Variants in CCDC3 observed in about 807,000 individuals in gnomAD.
CCDC3 encodes the protein coiled-coil domain-containing protein 3.
A neutral mutation model predicts 21.4 loss-of-function variants in CCDC3; 24 were observed. The ratio of observed to expected loss-of-function variants is 1.12; its 90% CI spans 0.81 to 1.58. The LOEUF is 1.58. Among genes scored for constraint, CCDC3 ranks in the 40% most tolerant of loss-of-function variants. The pLI, the probability that CCDC3 is intolerant of heterozygous loss-of-function variation, is 0.00. For synonymous variants in CCDC3, 186 were observed against 166.0 expected (o/e 1.12, Z -0.93); for missense variants, 425 against 360.9 (o/e 1.18, Z -1.44).
chr10:13,058,028 T>C (rs1836704925), intron 4 of CCDC3: 1 of 737,340 alleles, frequency 1.4e-6, no homozygotes, highest in East Asian at 2.5e-5. Flanking sequence ...CTTGTAAGCA[T>C]CTTCATCTTC....
chr10:13,038,742 C>T (rs1836411820), intron 5 of CCDC3, among the ~76,000 whole-genome samples: 1 of 152,212 alleles, frequency 6.6e-6, no homozygotes, highest in South Asian at 2.1e-4. Context: ...TTGTGTAGCA[C>T]CTTGTTCCAG....
intron 2 of CCDC3, among the ~76,000 whole-genome samples, chr10:12,935,668 ATTTTT>A (rs369781761): frequency 0.051 from 7,159 of 140,960 alleles, 206 homozygotes; most frequent in Non-Finnish European, 0.075. Flanking sequence ...ATCCAAGTAC[ATTTTT>A]TTTTTTTTTT....
chr10:13,083,268 C>A (rs1244814380), intron 3 of CCDC3, among the ~76,000 whole-genome samples: 1 of 152,196 alleles, frequency 6.6e-6, no homozygotes, highest in Non-Finnish European at 1.5e-5. Context: ...TTTACCCTGG[C>A]ATTTCATCAA....
chr10:13,043,121 G>C (rs1452166568), intron 5 of CCDC3, among the ~76,000 whole-genome samples: 1 of 151,856 alleles, frequency 6.6e-6, no homozygotes, highest in Non-Finnish European at 1.5e-5. Flanking sequence ...TTGTTATATG[G>C]GTATATTTGT....
intron 4 of CCDC3, among the ~76,000 whole-genome samples, chr10:13,071,034 C>T (rs1836875962): frequency 6.7e-6 from 1 of 150,226 alleles, no homozygotes; most frequent in African/African-American, 2.5e-5. Context: ...TCAGTATTCT[C>T]CTTCTGAGCA....
At chr10:12,953,308 T>C (rs1188018013) in intron 2 of CCDC3, among the ~76,000 whole-genome samples, 1 of 152,000 alleles carries the variant, frequency 6.6e-6, no homozygotes, top group Non-Finnish European at 1.5e-5. Context: ...TTCAATCACC[T>C]CCCACCAGGT....
chr10:12,898,224 G>A lies in CCDC3; in HGVS notation c.*192C>T, dbSNP rs556329048. 1.2e-5 allele frequency: 8 copies of A among 667,550 alleles called. No homozygotes were observed. The highest frequency in any genetic ancestry group is 8.1e-5 in the South Asian group (4 of 49,328). 41.4% of individuals were successfully genotyped at this position (667,550 alleles called of 1,614,324 possible). On this transcript the variant is annotated 3_prime_UTR_variant, in exon 3 of 3. Transcript: ENST00000378825. ...TGGGGTCAGGCCAGGAAGGGGCAGC[G>A]CGTGGGGTCTGACATTGAGGCCAGC...
rs183579886 is a variant in CCDC3 at position 13,029,947 on chromosome 10, C to G, written c.-2+19727G>C. ...ATATTATCCAGGAGAACTTCCCCAA[C>G]CTAGTAAGGCAGGCCAACATTCAAA... On this transcript the variant is annotated intron_variant, in intron 5 of 6. Transcript: ENST00000378839. 2.8e-3 allele frequency among the ~76,000 whole-genome samples: 429 copies of G among 152,230 alleles called. 5 individuals are homozygous for G. Among genetic ancestry groups the G allele is most frequent in the African/African-American group, 1.0e-2 (414 of 41,542 alleles).
chr10:13,042,677 G>A (rs931330168), intron 5 of CCDC3, among the ~76,000 whole-genome samples: 4 of 151,652 alleles, frequency 2.6e-5, no homozygotes, highest in African/African-American at 9.7e-5. Context: ...GGGAGGCTGA[G>A]GTGGGCGGAT....
At chr10:13,055,458 T>C (rs891630274) in intron 4 of CCDC3, among the ~76,000 whole-genome samples, 46 of 151,302 alleles carry the variant, frequency 3.0e-4, no homozygotes, top group African/African-American at 1.1e-3. Context: ...GCCTCCTGAG[T>C]AGCTGGGACT....
intron 2 of CCDC3, among the ~76,000 whole-genome samples, chr10:12,931,466 CCATCCAT>C (rs1346653687): frequency 6.6e-6 from 1 of 152,204 alleles, no homozygotes; most frequent in Non-Finnish European, 1.5e-5. Flanking sequence ...AATTTAGAGT[CCATCCAT>C]CAGATGCTGA....
At chr10:12,957,711 T>G (rs1196781931) in intron 2 of CCDC3, among the ~76,000 whole-genome samples, 1 of 152,228 alleles carries the variant, frequency 6.6e-6, no homozygotes, top group African/African-American at 2.4e-5. Context: ...GGCCATACGA[T>G]GAGCCTGCTG....
chr10:13,076,217 G>A (rs1013202520), intron 3 of CCDC3, among the ~76,000 whole-genome samples: 24 of 152,226 alleles, frequency 1.6e-4, no homozygotes, highest in African/African-American at 5.1e-4. Flanking sequence ...AATGTTGATG[G>A]CTGGAATTAA....
intron 2 of CCDC3, among the ~76,000 whole-genome samples, chr10:12,971,216 G>A (rs1319791544): frequency 2.0e-5 from 3 of 152,228 alleles, no homozygotes; most frequent in Non-Finnish European, 4.4e-5. Context: ...GCTGGCGTGA[G>A]CAGGAAAGGG....
chr10:12,968,178 AAAG>A (rs1395411606), intron 2 of CCDC3, among the ~76,000 whole-genome samples: 9 of 97,042 alleles, frequency 9.3e-5, no homozygotes, highest in African/African-American at 2.3e-4. Flanking sequence ...CAGAAAAAAA[AAAG>A]AAAATACAAA....
chr10:12,963,548 C>A (rs1835211839), intron 2 of CCDC3, among the ~76,000 whole-genome samples: 1 of 148,348 alleles, frequency 6.7e-6, no homozygotes, highest in Non-Finnish European at 1.5e-5. Context: ...TCCTGCCTTC[C>A]TTCCTATTGA....
chr10:13,066,488 T>C (rs1285361621), intron 4 of CCDC3, among the ~76,000 whole-genome samples: 1 of 152,236 alleles, frequency 6.6e-6, no homozygotes, highest in African/African-American at 2.4e-5. Context: ...AATATTCTTT[T>C]GTAAGAAATC....
chr10:13,050,701 C>T (rs983759764), intron 4 of CCDC3, among the ~76,000 whole-genome samples: 1 of 151,992 alleles, frequency 6.6e-6, no homozygotes, highest in East Asian at 1.9e-4. Context: ...CTTTGTGATC[C>T]ACCCGCCTCA....
intron 3 of CCDC3, among the ~76,000 whole-genome samples, chr10:13,077,599 C>T (rs534372862): frequency 7.1e-4 from 108 of 152,246 alleles, no homozygotes; most frequent in Middle Eastern, 3.4e-3. Context: ...CGCTACCTGA[C>T]TTCAAACTAT....
Sources: allele counts gnomAD v4.1 joint callset (sites outside exome capture counted in the v4.1 genomes callset), GRCh38; gene constraint gnomAD v4.1.1; transcripts MANE v1.5; gene names NCBI Gene and HGNC (gene_info 2026-07-23, HGNC 2026-07-21).